Variants in ANAPC16 observed in about 807,000 individuals in gnomAD.
ANAPC16 encodes anaphase-promoting complex subunit 16.
A neutral mutation model predicts 13.1 loss-of-function variants in ANAPC16; 6 were observed. The observed-to-expected ratio is 0.46, with a 90% confidence interval of 0.25 to 0.90. The LOEUF is 0.90. Ranked by LOEUF, ANAPC16 falls within the 40% of genes least tolerant of loss-of-function variation. The pLI, the probability that ANAPC16 is intolerant of heterozygous loss-of-function variation, is 0.18. For synonymous variants in ANAPC16, 55 were observed against 51.3 expected, an observed-to-expected ratio of 1.07 and a Z score of -0.31; for missense variants, 113 against 131.1, an observed-to-expected ratio of 0.86 and a Z score of 0.67.
At chr10:72,221,121 T>G (rs997929770) in intron 1 of ANAPC16, among the ~76,000 whole-genome samples, 1 of 152,124 alleles carries the variant, frequency 6.6e-6, no homozygotes, top group African/African-American at 2.4e-5. Context: ...TCGCCATGTT[T>G]ACCAGGCTAG....
intron 1 of ANAPC16, 92 bp from the exon 2 acceptor site, chr10:72,223,796 A>G: frequency 9.4e-7 from 1 of 1,062,278 alleles, no homozygotes; most frequent in African/African-American, 1.6e-5. Flanking sequence ...ACTCTTTACA[A>G]AACTGTATGC....
At chr10:72,226,435 A>G (rs990390774) in intron 2 of ANAPC16, among the ~76,000 whole-genome samples, 3 of 152,126 alleles carry the variant, frequency 2.0e-5, no homozygotes, top group Non-Finnish European at 2.9e-5. Flanking sequence ...GCACTTTGGG[A>G]GGCTGAGGCA....
At chr10:72,223,164 A>G (rs1239273715) in intron 1 of ANAPC16, 1 of 148,568 alleles carries the variant, frequency 6.7e-6, no homozygotes, top group Non-Finnish European at 1.5e-5. Context: ...CCGGGTTCAA[A>G]TGATTCTCTT....
chr10:72,218,159 AAAAAAAATATATATATATAT>A lies in ANAPC16; in HGVS notation c.-28+2023_-28+2042del, dbSNP rs1357805471. On this transcript the variant is annotated intron_variant, in intron 1 of 3. Coordinates refer to ENST00000299381, the MANE Select transcript of ANAPC16 (RefSeq NM_173473.4). ...AAACTCTGTCTCAAAAAAAAAAAAA[AAAAAAAATATATATATATAT>A]ATATATATATATATATATATATATA... Among the ~76,000 whole-genome samples the A allele has an allele frequency of 7.9e-3, 360 of 45,826 alleles. 6 individuals carry two copies. Among genetic ancestry groups the A allele is most frequent in the Middle Eastern group, 0.023 (3 of 128 alleles). 30.1% of individuals were successfully genotyped at this position (45,826 alleles called of 152,430 possible). A position where few individuals can be genotyped will look rare whatever the true frequency, so the allele number is the denominator to read the frequency against.
intron 1 of ANAPC16, chr10:72,216,394 C>CT (rs1407655007): frequency 5.5e-6 from 1 of 180,786 alleles, no homozygotes; most frequent in Non-Finnish European, 1.2e-5. Context: ...GGAAAAGTGG[C>CT]TAGGAGTTAG....
At chr10:72,218,162 AAAAATATATATAT>A (rs1859693766) in intron 1 of ANAPC16, among the ~76,000 whole-genome samples, 1 of 29,288 alleles carries the variant, frequency 3.4e-5, no homozygotes, top group South Asian at 1.5e-3. Flanking sequence ...AAAAAAAAAA[AAAAATATATATAT>A]ATATATATAT....
intron 1 of ANAPC16, among the ~76,000 whole-genome samples, chr10:72,218,152 AAAAAAAAAAAAAAATATATATATAT>A (rs1283441682): frequency 2.6e-5 from 1 of 38,860 alleles, no homozygotes; most frequent in Non-Finnish European, 4.6e-5. Flanking sequence ...TCTCAAAAAA[AAAAAAAAAAAAAAATATATATATAT>A]ATATATATAT....
At chr10:72,219,278 G>A (rs966077363) in intron 1 of ANAPC16, among the ~76,000 whole-genome samples, 1 of 152,178 alleles carries the variant, frequency 6.6e-6, no homozygotes, top group South Asian at 2.1e-4. Flanking sequence ...TACTGCTTAA[G>A]TTCAAAAACA....
intron 3 of ANAPC16, 52 bp downstream of exon 3, chr10:72,230,492 G>A (rs746143473): frequency 6.6e-7 from 1 of 1,506,338 alleles, no homozygotes; most frequent in South Asian, 1.1e-5. Flanking sequence ...TTGCTAGGGG[G>A]TGGATGAGGC....
chr10:72,232,004 T>G (rs1860325514), intron 3 of ANAPC16, among the ~76,000 whole-genome samples: 1 of 150,296 alleles, frequency 6.7e-6, no homozygotes, highest in African/African-American at 2.4e-5. Context: ...CTGACCAACA[T>G]GGAGAAACCC....
At chr10:72,231,135 T>C (rs1860287090) in intron 3 of ANAPC16, among the ~76,000 whole-genome samples, 1 of 152,168 alleles carries the variant, frequency 6.6e-6, no homozygotes, top group South Asian at 2.1e-4. Context: ...CTCCAGACCA[T>C]TTCTCCATTG....
At chr10:72,224,700 A>C (rs1232462045) in intron 2 of ANAPC16, among the ~76,000 whole-genome samples, 1 of 151,096 alleles carries the variant, frequency 6.6e-6, no homozygotes, top group Non-Finnish European at 1.5e-5. Context: ...GCACCTGTCT[A>C]CCTCCCATGG....
chr10:72,226,787 C>CG (rs950317449), intron 2 of ANAPC16, among the ~76,000 whole-genome samples: 1 of 151,950 alleles, frequency 6.6e-6, no homozygotes, highest in Non-Finnish European at 1.5e-5. Context: ...CAGGAAACCA[C>CG]GGGGGGACTC....
intron 1 of ANAPC16, chr10:72,223,353 A>T (rs1341217591): frequency 2.0e-5 from 3 of 152,206 alleles, no homozygotes; most frequent in Non-Finnish European, 4.4e-5. Flanking sequence ...GGCGTGAGCC[A>T]CCGTGCCTGG....
chr10:72,227,811 A>G lies in ANAPC16; in HGVS notation c.143-2555A>G, dbSNP rs1044496970. 2.0e-5 allele frequency among the ~76,000 whole-genome samples: 3 copies of G among 150,528 alleles called. No individual in the cohort carries two copies. The East Asian group carries it at 5.9e-4, about 29-fold the overall frequency. The stretch of plus-strand genomic sequence containing the variant: ...TTTGGGAGGCCGAGGTGGGCGGATC[A>G]CCTGAGGTCAGGAGTTCGAGACCAG... On this transcript the variant is annotated intron_variant, in intron 2 of 3. Transcript: ENST00000299381.
intron 1 of ANAPC16, 61 bp from the exon 2 acceptor site, chr10:72,223,827 A>G (rs1860030015): frequency 7.7e-7 from 1 of 1,306,868 alleles, no homozygotes; most frequent in East Asian, 2.5e-5. Context: ...AGCAGCTAGA[A>G]TGAAATGTTG....
chr10:72,226,167 C>G (rs1487166886), intron 2 of ANAPC16, among the ~76,000 whole-genome samples: 1 of 151,556 alleles, frequency 6.6e-6, no homozygotes, highest in East Asian at 2.0e-4. Context: ...AGGTGCCCAC[C>G]ACCACACCTG....
intron 1 of ANAPC16, among the ~76,000 whole-genome samples, chr10:72,219,477 T>C (rs1859815459): frequency 6.6e-6 from 1 of 152,182 alleles, no homozygotes. Context: ...GGCTCAGGCC[T>C]GTAATCCCAG....
At chr10:72,228,635 T>G (rs1202866196) in intron 2 of ANAPC16, among the ~76,000 whole-genome samples, 1 of 152,228 alleles carries the variant, frequency 6.6e-6, no homozygotes, top group African/African-American at 2.4e-5. Context: ...GACTCCGTTC[T>G]GGAGCAATTC....
Sources: gnomAD v4.1 joint callset for allele counts (sites outside exome capture counted in the v4.1 genomes callset) on GRCh38, gnomAD v4.1.1 for gene constraint, MANE v1.5 for transcripts, NCBI Gene and HGNC (gene_info 2026-07-23, HGNC 2026-07-21) for gene names.